Variants in C1orf167 observed in about 807,000 individuals in gnomAD.
C1orf167 encodes the protein chromosome 1 open reading frame 167.
In C1orf167, 153 loss-of-function variants were observed where a neutral mutation model predicts 176.5. The observed-to-expected ratio is 0.87, with a 90% confidence interval of 0.76 to 0.99. The LOEUF (loss-of-function observed/expected upper bound fraction) is 0.99. Ranked by LOEUF, C1orf167 falls within the 50% of genes least tolerant of loss-of-function variation. The pLI, the probability that C1orf167 is intolerant of heterozygous loss-of-function variation, is 0.00. For missense variants in C1orf167, 1,490 were observed against 1,817.7 expected (o/e 0.82, Z 3.28); for synonymous variants, 594 against 752.7 (o/e 0.79, Z 3.45).
chr1:11,781,661 A>G (rs776115604), intron 13 of C1orf167, among the ~76,000 whole-genome samples: 2 of 152,188 alleles, frequency 1.3e-5, no homozygotes, highest in Non-Finnish European at 2.9e-5. Flanking sequence ...CTGTAATCCC[A>G]GCAATTTGGG....
At position 11,766,995 on chromosome 1, in the gene C1orf167, G is replaced by T. The variant is rs944600345; in HGVS notation, c.1209G>T (p.Glu403Asp). The change falls in exon 3 of 21, where the codon GAG becomes GAT. Residue 403 changes from glutamate (E) to aspartate (D), a missense_variant. Transcript: ENST00000688073. The surrounding 1 kb of genome is among the most constrained non-coding windows in gnomAD (Gnocchi z 4.5). ...AWGVSPKQKG[E>D]EGAPRERVHR... ...GAGTCTCACCCAAGCAGAAAGGAGA[G>T]GAGGGGGCCCCGAGGGAGCGGGTCC... The T allele has an allele frequency of 8.3e-7, 1 of 1,209,232 alleles. No individual in the cohort carries two copies. The highest frequency in any genetic ancestry group is 1.6e-5 in the African/African-American group (1 of 63,268). The allele number at this position is 1,209,232 out of a possible 1,614,324, so 74.9% of individuals were successfully genotyped here.
chr1:11,780,668 T>C (rs1643551819), intron 13 of C1orf167, among the ~76,000 whole-genome samples: 1 of 152,176 alleles, frequency 6.6e-6, no homozygotes, highest in African/African-American at 2.4e-5. Context: ...ACCTGGCCTC[T>C]AGGAGTCACT....
At chr1:11,782,078 TG>T in intron 13 of C1orf167, 110 bp from the exon 14 acceptor site, 1 of 978,510 alleles carries the variant, frequency 1.0e-6, no homozygotes, top group Non-Finnish European at 1.3e-6. Flanking sequence ...ACAGTCAGGG[TG>T]GCCTCCTCTG....
In C1orf167 at chr1:11,775,558, G is replaced by A. The variant is rs577146869; in HGVS notation, c.2112G>A (p.Arg704=). The A allele has an allele frequency of 1.8e-4, 235 of 1,304,230 alleles. 4 individuals carry two copies. In the South Asian group the frequency reaches 2.8e-3, roughly 16 times the overall value. 80.8% of individuals were successfully genotyped at this position (1,304,230 alleles called of 1,614,324 possible). The change falls in exon 9 of 21, where the codon CGG becomes CGA. Residue 704 remains arginine (R), a synonymous_variant. Coordinates refer to ENST00000688073, the MANE Select transcript of C1orf167 (RefSeq NM_001010881.2). ...LEQWVRMKQL[R]ESDGAKVTQL... ...AGTGGGTGCGGATGAAGCAGCTCCG[G>A]GAATCAGATGGGGCAAAGGTGACCC...
intron 8 of C1orf167, among the ~76,000 whole-genome samples, chr1:11,772,782 C>T (rs1643142510): frequency 6.6e-6 from 1 of 152,222 alleles, no homozygotes; most frequent in Non-Finnish European, 1.5e-5. Context: ...AGGAAACTAG[C>T]AGTCCCAAGG....
Position 11,779,847 on chromosome 1 carries a change from G to A in C1orf167, c.2697G>A (p.Trp899Ter). 1 of 1,303,250 alleles carries A rather than the reference G, an allele frequency of 7.7e-7. No individual in the cohort carries two copies. Among genetic ancestry groups the A allele is most frequent in the Non-Finnish European group, 1.0e-6 (1 of 988,904 alleles). The allele number at this position is 1,303,250 out of a possible 1,614,324, so 80.7% of individuals were successfully genotyped here. The stretch of plus-strand genomic sequence containing the variant: ...GCTGGGCAACAGCCCAATGGGCCTG[G>A]AGAGAGCTGGCTTCCCACCGGGCCT... ...WSRWATAQWA[W>*]RELASHRAWD... The change falls in exon 13 of 21, where the codon TGG (tryptophan) becomes TGA (stop). Residue 899 changes from tryptophan (W) to a stop codon, truncating the protein, a stop_gained. Transcript: ENST00000688073. LOFTEE classifies it high-confidence loss of function.
chr1:11,786,436 T>G (rs184978486), intron 16 of C1orf167: 1 of 152,144 alleles, frequency 6.6e-6, no homozygotes, highest in East Asian at 1.9e-4. Flanking sequence ...ATTTTTTTTT[T>G]CAGTCGTTTT....
chr1:11,779,902 C>CT lies in C1orf167; in HGVS notation c.2753dup (p.Trp919ValfsTer42). ...TCGGACCTGCAGGGCTGTGCTGGGC[C>CT]TGTGGCGTCAGCGGCTGCTGCAGTC... is the stretch of plus-strand genomic sequence containing the variant. On this transcript the variant is annotated frameshift_variant, in exon 13 of 21. Coordinates refer to ENST00000688073, the MANE Select transcript of C1orf167 (RefSeq NM_001010881.2). LOFTEE classifies it high-confidence loss of function. The CT allele has an allele frequency of 7.7e-7, 1 of 1,303,016 alleles. No individual in the cohort carries two copies. Among genetic ancestry groups the CT allele is most frequent in the South Asian group, 1.2e-5 (1 of 80,934 alleles). 80.7% of individuals were successfully genotyped at this position (1,303,016 alleles called of 1,614,324 possible).
chr1:11,779,105 G>A (rs1274288780), intron 12 of C1orf167, 25 bp downstream of exon 12: 25 of 1,227,578 alleles, frequency 2.0e-5, no homozygotes, highest in East Asian at 1.1e-4. Flanking sequence ...CCATCCGCCC[G>A]CCACTCTATG....
chr1:11,776,348 G>A (rs1643313751), intron 9 of C1orf167, 116 bp from the exon 10 acceptor site: 2 of 932,436 alleles, frequency 2.1e-6, no homozygotes, highest in Admixed American at 8.2e-5. Context: ...GGAAGCGGTG[G>A]GACGGGACAA....
At chr1:11,787,675 G>A in intron 17 of C1orf167, 182 bp downstream of exon 17, 1 of 922,650 alleles carries the variant, frequency 1.1e-6, no homozygotes, top group Non-Finnish European at 1.4e-6. Context: ...TTGCATTCCT[G>A]CCCCGCCCCT....
intron 6 of C1orf167, among the ~76,000 whole-genome samples, chr1:11,771,065 ATATATTTTTTTTTTT>A (rs1369239185): frequency 1.3e-5 from 1 of 78,554 alleles, no homozygotes; most frequent in African/African-American, 5.5e-5. Flanking sequence ...ATATATATAT[ATATATTTTTTTTTTT>A]TTTTTTTTTT....
chr1:11,769,470 A>G (rs1263183415), intron 6 of C1orf167, among the ~76,000 whole-genome samples: 1 of 151,978 alleles, frequency 6.6e-6, no homozygotes, highest in Non-Finnish European at 1.5e-5. Flanking sequence ...CTAGAGACTG[A>G]GGCAGGAGGA....
In C1orf167 at chr1:11,787,461, G is replaced by A. The variant is rs566155977; in HGVS notation, c.3641G>A (p.Arg1214Gln). 559 of 1,303,356 alleles carry A rather than the reference G, an allele frequency of 4.3e-4. No homozygotes were observed. The highest frequency in any genetic ancestry group is 5.4e-4 in the Non-Finnish European group (533 of 988,784). The allele number at this position is 1,303,356 out of a possible 1,614,324, so 80.7% of individuals were successfully genotyped here. A position where few individuals can be genotyped will look rare whatever the true frequency, so the allele number is the denominator to read the frequency against. Residue 1214 changes from arginine to glutamine, a missense_variant, in exon 17 of 21, where the codon CGG becomes CAG. By Grantham distance (43) the Arg-to-Gln change is conservative. Transcript: ENST00000688073. ...TCACTGCAGTGCAGCCTGGGTGGAC[G>A]GAGGAAGCCAAGGGGAACGGCCTGG... ...APSLQCSLGG[R>Q]RKPRGTAWAQ...
In C1orf167 at chr1:11,778,967, C is replaced by A. The variant is rs1447338255; in HGVS notation, c.2538C>A (p.Ser846Arg). Residue 846 changes from serine (S) to arginine (R), a missense_variant, in exon 12 of 21, where the codon AGC (serine) becomes AGA (arginine). Physicochemically the swap from Ser to Arg is moderately radical, Grantham distance 110. Transcript: ENST00000688073. ...APTLPDTLQG[S>R]LLWAAGQRQQ... The stretch of plus-strand genomic sequence containing the variant: ...CCCTCCCGGACACTCTCCAGGGGAG[C>A]CTTCTGTGGGCAGCTGGGCAGCGGC... The A allele has an allele frequency of 1.5e-6, 2 of 1,303,810 alleles. No individual in the cohort carries two copies. The highest frequency in any genetic ancestry group is 1.5e-5 in the African/African-American group (1 of 65,968). 80.8% of individuals were successfully genotyped at this position (1,303,810 alleles called of 1,614,324 possible).
At chr1:11,771,356 T>C (rs917974374) in intron 6 of C1orf167, among the ~76,000 whole-genome samples, 168 bp from the exon 7 acceptor site, 5 of 152,004 alleles carry the variant, frequency 3.3e-5, no homozygotes, top group Non-Finnish European at 4.4e-5. Flanking sequence ...CCCCCAGCAA[T>C]AGCTTTTAAA....
At position 11,765,862 on chromosome 1, in the gene C1orf167, C is replaced by A; in HGVS notation, c.76C>A (p.Arg26=). 3 of 1,193,032 alleles carry A rather than the reference C, an allele frequency of 2.5e-6. No homozygotes were observed. The highest frequency in any genetic ancestry group is 3.2e-6 in the Non-Finnish European group (3 of 942,252). 73.9% of individuals were successfully genotyped at this position (1,193,032 alleles called of 1,614,324 possible). The change falls in exon 3 of 21, where the codon CGA becomes AGA. Residue 26 remains arginine (R), a synonymous_variant. Transcript: ENST00000688073. Reference sequence around the variant, plus strand: ...ACTGTCTCTCCTCTCTTTAGAGCAACGAAGATTCCGGAGGAGCCTGGGCAT... The same window carrying A: ...ACTGTCTCTCCTCTCTTTAGAGCAAAGAAGATTCCGGAGGAGCCTGGGCAT... ...KPAALPKPEQ[R]RFRRSLGIGL...
chr1:11,768,249 G>A lies in C1orf167; in HGVS notation c.1516G>A (p.Val506Ile), dbSNP rs184712647. Residue 506 changes from valine to isoleucine, a missense_variant, in exon 5 of 21, where the codon GTT becomes ATT. Coordinates refer to ENST00000688073, the MANE Select transcript of C1orf167 (RefSeq NM_001010881.2). This position sits in a 1 kb window ranked among gnomAD's most constrained non-coding sequence, Gnocchi z 4.5. Reference protein sequence around the residue: ...LEAAWGQYTKVLLVRSFREWR... With the variant: ...LEAAWGQYTKILLVRSFREWR... ...GGCAGCATGGGGGCAGTACACAAAG[G>A]TTCTGCTGGTCCGGAGCTTCCGAGA... 1.5e-4 allele frequency: 195 copies of A among 1,289,932 alleles called. 1 individual carries two copies. In the South Asian group the frequency reaches 1.7e-3, roughly 11 times the overall value. 79.9% of individuals were successfully genotyped at this position (1,289,932 alleles called of 1,614,324 possible).
chr1:11,789,356 C>G lies in C1orf167; in HGVS notation c.4260C>G (p.Gly1420=), dbSNP rs1284164587. ...ASSPRPWSKP[G]PKGPESGQEA... The stretch of plus-strand genomic sequence containing the variant: ...GCCCAAGACCCTGGAGCAAGCCAGG[C>G]CCCAAGGGCCCCGAGAGTGGACAGG... The change falls in exon 21 of 21, where the codon GGC becomes GGG. Residue 1420 remains glycine (G), a synonymous_variant. Coordinates refer to ENST00000688073, the MANE Select transcript of C1orf167 (RefSeq NM_001010881.2). The G allele has an allele frequency of 7.7e-7, 1 of 1,304,068 alleles. No individual in the cohort carries two copies. Among genetic ancestry groups the G allele is most frequent in the South Asian group, 1.2e-5 (1 of 81,022 alleles). The allele number at this position is 1,304,068 out of a possible 1,614,324, so 80.8% of individuals were successfully genotyped here.
Sources: allele counts gnomAD v4.1 joint callset (sites outside exome capture counted in the v4.1 genomes callset), GRCh38; gene constraint gnomAD v4.1.1; non-coding constraint Gnocchi (gnomAD v3.1); transcripts MANE v1.5; gene names NCBI Gene and HGNC (gene_info 2026-07-23, HGNC 2026-07-21).